Variants in GALNT13 observed in about 807,000 individuals in gnomAD.
GALNT13 encodes the protein UDP-GalNAc:polypeptide N-acetylgalactosaminyltransferase 13.
A neutral mutation model predicts 64.2 loss-of-function variants in GALNT13; 28 were observed. The observed-to-expected ratio is 0.44, with a 90% CI of 0.32 to 0.60. The LOEUF (loss-of-function observed/expected upper bound fraction) is 0.60, where lower values mean the gene tolerates loss of function less well. GALNT13 is among the 20% of genes least tolerant of loss of function. GALNT13 has a pLI of 0.05. For synonymous variants in GALNT13, 214 were observed against 224.6 expected (o/e 0.95, Z 0.42); for missense variants, 577 against 669.8 (o/e 0.86, Z 1.53).
intron 3 of GALNT13, among the ~76,000 whole-genome samples, chr2:154,108,153 G>GT (rs1702727561): frequency 1.2e-4 from 18 of 149,982 alleles, no homozygotes; most frequent in South Asian, 2.1e-4. Flanking sequence ...TCTATTTTTT[G>GT]GTTTTTTTTT....
the GALNT13 span, among the ~76,000 whole-genome samples, chr2:153,342,700 C>T: frequency 3.9e-5 from 6 of 152,164 alleles, no homozygotes; most frequent in Non-Finnish European, 8.8e-5. Flanking sequence ...TGCTCCTCTT[C>T]CCTCCATCTT....
the GALNT13 span, chr2:153,356,740 A>G: frequency 2.6e-5 from 4 of 151,486 alleles, no homozygotes; most frequent in Non-Finnish European, 5.9e-5. Flanking sequence ...TTGTATACAT[A>G]GAGGACAGAG....
At chr2:154,074,628 C>A (rs545140495) in intron 3 of GALNT13, among the ~76,000 whole-genome samples, 5 of 151,686 alleles carry the variant, frequency 3.3e-5, no homozygotes, top group Non-Finnish European at 5.9e-5. Context: ...GGTAGAGATA[C>A]AACAAAAACA....
At chr2:153,854,505 C>T in the GALNT13 span, among the ~76,000 whole-genome samples, 6 of 151,732 alleles carry the variant, frequency 4.0e-5, no homozygotes, top group Admixed American at 1.3e-4. Context: ...CACTTGAACC[C>T]GGGAGGTGGA....
chr2:154,390,427 T>C (rs571630319), intron 9 of GALNT13, among the ~76,000 whole-genome samples: 19 of 152,296 alleles, frequency 1.2e-4, no homozygotes, highest in Admixed American at 1.2e-3. Flanking sequence ...CCCCTCTATG[T>C]GTCCACATGT....
chr2:153,674,701 G>C, the GALNT13 span, among the ~76,000 whole-genome samples: 35 of 152,216 alleles, frequency 2.3e-4, no homozygotes, highest in African/African-American at 8.2e-4. Context: ...TTGACAAATA[G>C]GATCTAATTA....
At chr2:154,272,808 G>A (rs980669451) in intron 8 of GALNT13, among the ~76,000 whole-genome samples, 1 of 152,118 alleles carries the variant, frequency 6.6e-6, no homozygotes, top group Admixed American at 6.5e-5. Context: ...ATATGCTGCC[G>A]TGAATTGACT....
the GALNT13 span, among the ~76,000 whole-genome samples, chr2:153,428,487 A>T: frequency 2.6e-5 from 4 of 152,170 alleles, no homozygotes; most frequent in Non-Finnish European, 5.9e-5. Flanking sequence ...CTTTCTTCCC[A>T]TCAGGCCCCA....
At chr2:153,408,884 C>T in the GALNT13 span, among the ~76,000 whole-genome samples, 1 of 152,104 alleles carries the variant, frequency 6.6e-6, no homozygotes, top group African/African-American at 2.4e-5. Context: ...GAGTCAGAGG[C>T]AGATGCAACC....
At chr2:154,067,266 G>A (rs1042070136) in intron 3 of GALNT13, among the ~76,000 whole-genome samples, 1 of 151,944 alleles carries the variant, frequency 6.6e-6, no homozygotes, top group Non-Finnish European at 1.5e-5. Flanking sequence ...TGGCAAAATG[G>A]TGGGATTACA....
At chr2:154,368,568 G>T (rs1655881256) in intron 9 of GALNT13, among the ~76,000 whole-genome samples, 2 of 152,160 alleles carry the variant, frequency 1.3e-5, no homozygotes, top group Admixed American at 6.6e-5. Flanking sequence ...GGGTGAAGTT[G>T]ACCTAATGCA....
chr2:153,571,479 A>T, the GALNT13 span, among the ~76,000 whole-genome samples: 85 of 152,114 alleles, frequency 5.6e-4, no homozygotes, highest in African/African-American at 1.9e-3. Context: ...AACTTCCAGG[A>T]CTATGTTGAA....
At chr2:153,340,943 G>C in the GALNT13 span, among the ~76,000 whole-genome samples, 1 of 152,188 alleles carries the variant, frequency 6.6e-6, no homozygotes, top group Non-Finnish European at 1.5e-5. Context: ...TGACTAGTTA[G>C]AAATGCAAAT....
the GALNT13 span, among the ~76,000 whole-genome samples, chr2:153,200,936 G>A: frequency 6.6e-6 from 1 of 152,206 alleles, no homozygotes; most frequent in East Asian, 1.9e-4. Flanking sequence ...TGACTAGAAG[G>A]TAATGCTTTC....
intron 4 of GALNT13, among the ~76,000 whole-genome samples, chr2:154,184,713 C>T (rs562581276): frequency 1.7e-4 from 26 of 151,960 alleles, no homozygotes; most frequent in Non-Finnish European, 3.5e-4. Flanking sequence ...AGTGCCAGGC[C>T]CTTTTTAACA....
At chr2:154,019,367 G>T (rs1248733053) in intron 3 of GALNT13, among the ~76,000 whole-genome samples, 7 of 152,046 alleles carry the variant, frequency 4.6e-5, no homozygotes, top group Admixed American at 4.6e-4. Context: ...AGGCACAGTG[G>T]CTCACACTTG....
chr2:154,331,306 A>G (rs115992246), intron 9 of GALNT13, among the ~76,000 whole-genome samples: 393 of 152,004 alleles, frequency 2.6e-3, no homozygotes, highest in African/African-American at 9.1e-3. Context: ...CTGTTCCCCT[A>G]TGTCTATTAA....
chr2:154,378,857 T>A (rs934492269), intron 9 of GALNT13, among the ~76,000 whole-genome samples: 1 of 152,152 alleles, frequency 6.6e-6, no homozygotes, highest in East Asian at 1.9e-4. Flanking sequence ...TAAAGATACT[T>A]TTCCTTGAAT....
chr2:154,091,462 T>A (rs1701804914), intron 3 of GALNT13, among the ~76,000 whole-genome samples: 1 of 151,908 alleles, frequency 6.6e-6, no homozygotes, highest in Admixed American at 6.6e-5. Flanking sequence ...AAAATAACCT[T>A]ACCAATATAA....
Sources: allele counts gnomAD v4.1 joint callset (sites outside exome capture counted in the v4.1 genomes callset), GRCh38; gene constraint gnomAD v4.1.1; transcripts MANE v1.5; gene names NCBI Gene and HGNC (gene_info 2026-07-23, HGNC 2026-07-21).